Variants in NAV1 observed in about 807,000 individuals in gnomAD.
NAV1 encodes neuron navigator 1.
NAV1 carries 18 observed loss-of-function variants against 175.2 expected under a neutral mutation model. The ratio of observed to expected loss-of-function variants is 0.10; its 90% CI spans 0.07 to 0.15. NAV1 has a LOEUF of 0.15. Ranked by LOEUF, NAV1 falls within the 10% of genes least tolerant of loss-of-function variation. NAV1 has a pLI of 1.00. For synonymous variants in NAV1, 897 were observed against 978.7 expected (o/e 0.92, Z 1.56); for missense variants, 1,731 against 2,436.6 (o/e 0.71, Z 6.10).
intron 1 of NAV1, among the ~76,000 whole-genome samples, chr1:201,661,862 C>T (rs1052552280): frequency 1.3e-4 from 20 of 152,320 alleles, no homozygotes; most frequent in Non-Finnish European, 7.3e-5. Context: ...TTTAAGGACT[C>T]GTCATAATAT....
At chr1:201,763,085 C>G (rs1406700749) in intron 3 of NAV1, among the ~76,000 whole-genome samples, 1 of 152,160 alleles carries the variant, frequency 6.6e-6, no homozygotes, top group African/African-American at 2.4e-5. Context: ...AATAAGGTCA[C>G]TCACATCAAT....
intron 1 of NAV1, among the ~76,000 whole-genome samples, chr1:201,669,072 T>C (rs188770829): frequency 6.6e-6 from 1 of 152,320 alleles, no homozygotes; most frequent in Admixed American, 6.5e-5. Flanking sequence ...GGTTAAGATC[T>C]CAGGCATGGT....
At position 201,678,268 on chromosome 1, in the gene NAV1, C is replaced by T. The variant is rs113681312; in HGVS notation, c.757+28843C>T. On this transcript the variant is annotated intron_variant, in intron 1 of 29. Transcript: ENST00000367296. ...CAAGTCCGGGCCTCCTACCTCTCAA[C>T]GTAAGCTGCTGCTGCCAAAGCAAGC... Among the ~76,000 whole-genome samples the T allele has an allele frequency of 8.6e-3, 1,304 of 152,308 alleles. 18 individuals are homozygous for T. The highest frequency in any genetic ancestry group is 0.03 in the African/African-American group (1,243 of 41,562).
chr1:201,611,711 C>CGGGTG (rs1174909355), intron 2 of NAV1, among the ~76,000 whole-genome samples: 2 of 152,160 alleles, frequency 1.3e-5, no homozygotes, highest in East Asian at 3.9e-4. Flanking sequence ...GCCCAAGGTA[C>CGGGTG]GGGTGTTGGG....
At chr1:201,736,468 C>T (rs898265526) in intron 3 of NAV1, among the ~76,000 whole-genome samples, 1 of 152,176 alleles carries the variant, frequency 6.6e-6, no homozygotes, top group Non-Finnish European at 1.5e-5. Flanking sequence ...GAGAGCCTCC[C>T]ATAAACTATC....
chr1:201,780,942 A>T, intron 4 of NAV1, 70 bp from the exon 9 acceptor site: 4 of 1,499,126 alleles, frequency 2.7e-6, no homozygotes, highest in Non-Finnish European at 3.6e-6. Flanking sequence ...AACTAAAATC[A>T]ATCCTGTCAG....
intron 2 of NAV1, among the ~76,000 whole-genome samples, chr1:201,636,313 T>C (rs1198782020): frequency 4.6e-5 from 7 of 152,066 alleles, no homozygotes; most frequent in Non-Finnish European, 7.4e-5. Flanking sequence ...AACCCCTTTG[T>C]AAGAGGATTA....
In NAV1 at chr1:201,745,482, C is replaced by A. The variant is rs565450237; in HGVS notation, c.1226+26727C>A. ...GAAGAGGAAAGTTGTGTACCCACCT[C>A]TGATTTCCTGGGTACTGAGCTGGGT... On this transcript the variant is annotated intron_variant, in intron 3 of 29. Transcript: ENST00000367296. Among the ~76,000 whole-genome samples the A allele has an allele frequency of 1.1e-3, 161 of 152,352 alleles. 1 individual carries two copies. Among genetic ancestry groups the A allele is most frequent in the African/African-American group, 3.8e-3 (157 of 41,574 alleles).
chr1:201,769,643 T>C (rs920262598), intron 3 of NAV1, among the ~76,000 whole-genome samples: 1 of 152,164 alleles, frequency 6.6e-6, no homozygotes, highest in Non-Finnish European at 1.5e-5. Flanking sequence ...GTTTCCAGTT[T>C]AGATGATAAA....
chr1:201,640,637 C>G (rs1271219046), intron 2 of NAV1, among the ~76,000 whole-genome samples: 3 of 152,276 alleles, frequency 2.0e-5, no homozygotes, highest in African/African-American at 7.2e-5. Flanking sequence ...TTCAAAGGAG[C>G]AAGGCAAGGG....
At chr1:201,624,115 C>T (rs1668255747) in intron 1 of NAV1, among the ~76,000 whole-genome samples, 1 of 152,184 alleles carries the variant, frequency 6.6e-6, no homozygotes, top group Non-Finnish European at 1.5e-5. Context: ...GTCTCTCACT[C>T]GTTTGCTCAC....
At position 201,705,259 on chromosome 1, in the gene NAV1, G is replaced by A. The variant is rs111675392; in HGVS notation, c.758-7558G>A. 4.6e-3 allele frequency among the ~76,000 whole-genome samples: 698 copies of A among 152,330 alleles called. 5 individuals carry two copies. Among genetic ancestry groups the A allele is most frequent in the African/African-American group, 0.016 (669 of 41,566 alleles). On this transcript the variant is annotated intron_variant, in intron 1 of 29. Transcript: ENST00000367296. ...TGAAAATCAAAACCGTAGGTGATCT[G>A]GAAAGATACCTGCCTGGCAGTTCCA...
exon 7 of NAV1, chr1:201,783,835 A>G (rs1384054267): frequency 6.2e-7 from 1 of 1,611,970 alleles, no homozygotes; most frequent in Non-Finnish European, 8.5e-7. Context: ...GAAGCCCCAG[A>G]GCTGGGCAAC....
chr1:201,797,315 C>A (rs1196489369), intron 15 of NAV1: 1 of 152,156 alleles, frequency 6.6e-6, no homozygotes, highest in East Asian at 1.9e-4. Flanking sequence ...TCTAGACTTT[C>A]AGTTCTATTC....
At chr1:201,583,386 C>T (rs2102198094) in intron 1 of NAV1, among the ~76,000 whole-genome samples, 1 of 152,372 alleles carries the variant, frequency 6.6e-6, no homozygotes. Context: ...GCAATTAAGA[C>T]AAAAAGCTCG....
chr1:201,789,683 A>C, intron 10 of NAV1, 57 bp from the exon 15 acceptor site: 1 of 1,543,832 alleles, frequency 6.5e-7, no homozygotes, highest in Non-Finnish European at 9.0e-7. Context: ...GAGTCTTCCA[A>C]AAACCCCTTG....
chr1:201,788,370 C>G lies in NAV1; in HGVS notation c.2996-98C>G, dbSNP rs753673168. The G allele has an allele frequency of 1.1e-5, 14 of 1,314,000 alleles. No individual in the cohort carries two copies. The highest frequency in any genetic ancestry group is 1.5e-5 in the Non-Finnish European group (14 of 922,788). 81.4% of individuals were successfully genotyped at this position (1,314,000 alleles called of 1,614,324 possible). On this transcript the variant is annotated intron_variant, in intron 9 of 29. Transcript: ENST00000367296. The surrounding 1 kb of genome is among the most constrained non-coding windows in gnomAD (Gnocchi z 5.7). ...TCTCCCCATTTGCCTCTCATGCTCC[C>G]GGTGCTCCATCCCCCAAGGGCCCGG...
rs923963330 is a variant in NAV1 at position 201,648,632 on chromosome 1, A to G, written c.-37A>G. ...CCCTGCCCCCTCCCCCCGTGCCTGC[A>G]GACGCGCGGATCGTCCATGCGCTCC... On this transcript the variant is annotated 5_prime_UTR_variant, in exon 1 of 30. Transcript: ENST00000367296. 1.2e-5 allele frequency: 16 copies of G among 1,290,070 alleles called. No individual in the cohort carries two copies. The African/African-American group carries it at 2.3e-4, about 19-fold the overall frequency. 79.9% of individuals were successfully genotyped at this position (1,290,070 alleles called of 1,614,324 possible).
Position 201,740,051 on chromosome 1 carries a change from G to A in NAV1, c.1226+21296G>A. On this transcript the variant is annotated intron_variant, in intron 3 of 29. Coordinates refer to ENST00000367296, the Ensembl canonical transcript of NAV1. This position sits in a 1 kb window ranked among gnomAD's most constrained non-coding sequence, Gnocchi z 4.7. ...GCTTCATCTGCCCCTGCCCAGATCC[G>A]GAAGAACGGTGAATTTCCCCCGCAG... 6.7e-7 allele frequency: 1 copy of A among 1,501,506 alleles called. No individual in the cohort carries two copies. The highest frequency in any genetic ancestry group is 2.7e-5 in the East Asian group (1 of 36,584). 93.0% of individuals were successfully genotyped at this position (1,501,506 alleles called of 1,614,324 possible).
Sources: allele counts gnomAD v4.1 joint callset (sites outside exome capture counted in the v4.1 genomes callset), GRCh38; gene constraint gnomAD v4.1.1; non-coding constraint Gnocchi (gnomAD v3.1); transcripts MANE v1.5; gene names NCBI Gene and HGNC (gene_info 2026-07-23, HGNC 2026-07-21).